Variants in MCTP1 observed in about 807,000 individuals in gnomAD.
MCTP1 encodes multiple C2 and transmembrane domain containing 1.
MCTP1 carries 69 observed loss-of-function variants against 120.6 expected under a neutral mutation model. The observed-to-expected ratio is 0.57, with a 90% CI of 0.47 to 0.70. The LOEUF (loss-of-function observed/expected upper bound fraction) is 0.70. MCTP1 is among the 30% of genes least tolerant of loss of function. MCTP1 has a pLI of 0.00. For synonymous variants in MCTP1, 529 were observed against 493.1 expected (o/e 1.07, Z -0.96); for missense variants, 1,203 against 1,248.8 (o/e 0.96, Z 0.55).
intron 18 of MCTP1, among the ~76,000 whole-genome samples, chr5:94,780,863 CAGATA>C (rs1170989016): frequency 6.6e-6 from 1 of 152,134 alleles, no homozygotes; most frequent in African/African-American, 2.4e-5. Context: ...CAGGGTTGAT[CAGATA>C]AGCTTTCATG....
At chr5:95,062,468 A>C (rs186817853) in intron 1 of MCTP1, among the ~76,000 whole-genome samples, 1,651 of 152,284 alleles carry the variant, frequency 0.011, 25 homozygotes, top group Middle Eastern at 0.014. Context: ...TAAGGAAAAG[A>C]GCTTTATAAT....
intron 1 of MCTP1, among the ~76,000 whole-genome samples, chr5:95,167,928 T>C (rs1467696431): frequency 6.6e-6 from 1 of 152,246 alleles, no homozygotes; most frequent in Non-Finnish European, 1.5e-5. Flanking sequence ...TTTTGGCTTT[T>C]GTTGCCATTG....
intron 19 of MCTP1, among the ~76,000 whole-genome samples, chr5:94,769,250 A>G (rs1458997348): frequency 6.6e-6 from 1 of 152,180 alleles, no homozygotes; most frequent in Non-Finnish European, 1.5e-5. Context: ...TGGGGTGAAG[A>G]GAGATTGGTT....
rs531243750 is a variant in MCTP1 at position 94,870,889 on chromosome 5, C to A, written c.2224G>T (p.Asp742Tyr). 6.2e-7 allele frequency: 1 copy of A among 1,612,518 alleles called. No homozygotes were observed. The highest frequency in any genetic ancestry group is 2.2e-5 in the East Asian group (1 of 44,836). ...AGACTTACAGCATTAAAAATCACATCTATTTCAAGATAGATGACCCCCTTT... is the reference window on the plus strand; with the variant it reads ...AGACTTACAGCATTAAAAATCACATATATTTCAAGATAGATGACCCCCTTT... The part of the protein sequence containing the change: ...PTKGVIYLEI[D>Y]VIFNAVKASL... Residue 742 changes from aspartate to tyrosine, a missense_variant, in exon 15 of 23, where the codon GAT becomes TAT. Asp to Tyr is a radical substitution (Grantham distance 160). Around this residue, in one of 2 missense-constraint regions of MCTP1, gnomAD observed 740 missense variants for 871.1 expected, o/e 0.85. Coordinates refer to ENST00000515393, the MANE Select transcript of MCTP1 (RefSeq NM_024717.7).
intron 1 of MCTP1, among the ~76,000 whole-genome samples, chr5:95,259,780 C>A (rs980191596): frequency 1.3e-5 from 2 of 152,122 alleles, no homozygotes; most frequent in African/African-American, 2.4e-5. Flanking sequence ...TCACAGTATT[C>A]TCCCCTGCCA....
At chr5:95,144,497 G>T (rs1760208231) in intron 1 of MCTP1, among the ~76,000 whole-genome samples, 1 of 151,966 alleles carries the variant, frequency 6.6e-6, no homozygotes, top group South Asian at 2.1e-4. Flanking sequence ...GTGTTAAGAA[G>T]AGTATTTTCG....
At position 94,706,963 on chromosome 5, in the gene MCTP1, G is replaced by A. The variant is rs1296652908; in HGVS notation, c.*533C>T. ...ATACCTAAGTAATTTGCACAGGAGT[G>A]AATGTCGGGATCTAAAGCCAGAATA... On this transcript the variant is annotated 3_prime_UTR_variant, in exon 23 of 23. Coordinates refer to ENST00000515393, the MANE Select transcript of MCTP1 (RefSeq NM_024717.7). 2.0e-5 allele frequency: 3 copies of A among 151,908 alleles called. No homozygotes were observed. Among genetic ancestry groups the A allele is most frequent in the Admixed American group, 6.6e-5 (1 of 15,192 alleles). The allele number at this position is 151,908 out of a possible 1,614,324, so 9.4% of individuals were successfully genotyped here.
At chr5:95,115,819 T>G (rs550546165) in intron 1 of MCTP1, among the ~76,000 whole-genome samples, 8 of 152,120 alleles carry the variant, frequency 5.3e-5, no homozygotes, top group Admixed American at 2.0e-4. Context: ...TTAAGAATAC[T>G]ACCTCAATGT....
intron 19 of MCTP1, among the ~76,000 whole-genome samples, chr5:94,763,927 C>T (rs757865373): frequency 7.9e-5 from 12 of 152,164 alleles, no homozygotes; most frequent in Non-Finnish European, 1.3e-4. Context: ...AAATAAGATG[C>T]TGTATTTATC....
chr5:95,112,379 C>A (rs1195897187), intron 1 of MCTP1, among the ~76,000 whole-genome samples: 1 of 152,206 alleles, frequency 6.6e-6, no homozygotes, highest in Non-Finnish European at 1.5e-5. Flanking sequence ...TCATCTACAT[C>A]ATGCAGTGAC....
intron 1 of MCTP1, among the ~76,000 whole-genome samples, chr5:95,039,119 C>T (rs1374953256): frequency 1.3e-5 from 2 of 151,820 alleles, no homozygotes; most frequent in Admixed American, 6.6e-5. Flanking sequence ...CAGAATAATA[C>T]ATGTGAAACA....
chr5:94,956,923 A>G (rs1472556984), intron 2 of MCTP1, among the ~76,000 whole-genome samples: 1 of 152,162 alleles, frequency 6.6e-6, no homozygotes, highest in Non-Finnish European at 1.5e-5. Context: ...AAACACCACA[A>G]AGATACTCCT....
At chr5:94,912,084 G>A (rs1299988562) in intron 9 of MCTP1, among the ~76,000 whole-genome samples, 3 of 152,098 alleles carry the variant, frequency 2.0e-5, no homozygotes, top group Non-Finnish European at 2.9e-5. Flanking sequence ...TGGATAAAGT[G>A]TATAAGAGTA....
chr5:94,718,265 G>T (rs923423557), intron 19 of MCTP1, among the ~76,000 whole-genome samples: 1 of 152,086 alleles, frequency 6.6e-6, no homozygotes, highest in Non-Finnish European at 1.5e-5. Context: ...ATGAGGAAAG[G>T]ATTCCCTATA....
intron 19 of MCTP1, among the ~76,000 whole-genome samples, chr5:94,772,331 C>T (rs961369285): frequency 6.6e-6 from 1 of 152,124 alleles, no homozygotes; most frequent in Admixed American, 6.5e-5. Flanking sequence ...AGAGCTCTAC[C>T]TTTAGGTAGT....
chr5:95,081,574 C>T, intron 1 of MCTP1: 1 of 1,497,728 alleles, frequency 6.7e-7, no homozygotes, highest in South Asian at 1.3e-5. Context: ...GCAAAAGAGG[C>T]TGTTCACCTC....
chr5:95,121,687 G>A (rs1214579975), intron 1 of MCTP1, among the ~76,000 whole-genome samples: 1 of 151,336 alleles, frequency 6.6e-6, no homozygotes, highest in Non-Finnish European at 1.5e-5. Context: ...ACCCAGAATA[G>A]CCAAAGTTAT....
At chr5:95,062,738 T>C (rs1749566436) in intron 1 of MCTP1, among the ~76,000 whole-genome samples, 1 of 152,214 alleles carries the variant, frequency 6.6e-6, no homozygotes, top group African/African-American at 2.4e-5. Flanking sequence ...CTGCAAATGA[T>C]GGCGATTATC....
chr5:94,947,577 T>TATATAGAGAG, intron 3 of MCTP1, among the ~76,000 whole-genome samples: 23 of 47,386 alleles, frequency 4.9e-4, no homozygotes, highest in South Asian at 7.0e-4. Flanking sequence ...TATATATATA[T>TATATAGAGAG]AGAGAGAGAG....
Sources: gnomAD v4.1 joint callset for allele counts (sites outside exome capture counted in the v4.1 genomes callset) on GRCh38, gnomAD v4.1.1 for gene constraint, gnomAD v4.1.1 regional missense constraint, MANE v1.5 for transcripts, NCBI Gene and HGNC (gene_info 2026-07-23, HGNC 2026-07-21) for gene names.